The following DGKD variants were observed in gnomAD, a reference collection of about 807,000 sequenced individuals.
DGKD encodes DAG kinase delta.
Under a neutral mutation model 154.4 loss-of-function variants are expected in DGKD, and 68 were observed. The observed-to-expected ratio is 0.44, with a 90% confidence interval of 0.36 to 0.54. DGKD has a LOEUF of 0.54. Among genes scored for constraint, DGKD ranks in the 20% least tolerant of loss-of-function variants. DGKD has a pLI of 0.00. For missense variants in DGKD, 1,343 were observed against 1,593.6 expected (o/e 0.84, Z 2.68); for synonymous variants, 693 against 638.0 (o/e 1.09, Z -1.30).
At chr2:233,467,020 G>A (rs2063844167) in intron 27 of DGKD, 66 bp from the exon 28 acceptor site, 1 of 1,296,274 alleles carries the variant, frequency 7.7e-7, no homozygotes, top group Non-Finnish European at 1.1e-6. Flanking sequence ...CCTCTCTGGT[G>A]GAGATGGGCA....
intron 1 of DGKD, among the ~76,000 whole-genome samples, chr2:233,372,560 A>G (rs2125401783): frequency 6.6e-6 from 1 of 152,216 alleles, no homozygotes; most frequent in East Asian, 1.9e-4. Flanking sequence ...GAGGGCAAGT[A>G]GAACCAGGTT....
chr2:233,426,685 A>G (rs1272004823), intron 3 of DGKD, among the ~76,000 whole-genome samples: 1 of 152,158 alleles, frequency 6.6e-6, no homozygotes, highest in Admixed American at 6.5e-5. Flanking sequence ...TGTTTAGAGT[A>G]GTGATGCTAT....
intron 3 of DGKD, among the ~76,000 whole-genome samples, chr2:233,433,014 C>T (rs899980717): frequency 6.6e-6 from 1 of 152,282 alleles, no homozygotes; most frequent in Admixed American, 6.5e-5. Flanking sequence ...AGCACAGCCA[C>T]CATGGAGAAC....
At position 233,452,100 on chromosome 2, in the gene DGKD, T is replaced by C. The variant is rs1026860116; in HGVS notation, c.2264+40T>C. ...TAAACCGAGTGGGCATATTGTTACA[T>C]GGCTGCTAGTGCATAGAAAACAGAT... is the stretch of plus-strand genomic sequence containing the variant. On this transcript the variant is annotated intron_variant, in intron 18 of 29. Transcript: ENST00000264057. The surrounding 1 kb of genome is among the most constrained non-coding windows in gnomAD (Gnocchi z 4.0). The C allele has an allele frequency of 6.5e-6, 10 of 1,540,070 alleles. No homozygotes were observed. The African/African-American group carries it at 1.4e-4, about 21-fold the overall frequency.
At chr2:233,415,153 G>A (rs1383677047) in intron 3 of DGKD, among the ~76,000 whole-genome samples, 1 of 152,234 alleles carries the variant, frequency 6.6e-6, no homozygotes, top group African/African-American at 2.4e-5. Context: ...CCCTCACACA[G>A]GTAACAGTTA....
rs1022030978 is a variant in DGKD, at chr2:233,470,532, CGCTGCCCCTG to C, written c.*1073_*1082del. On this transcript the variant is annotated 3_prime_UTR_variant, in exon 30 of 30. Coordinates refer to ENST00000264057, the MANE Select transcript of DGKD (RefSeq NM_152879.3). Reference sequence around the variant, plus strand: ...GCAGGGACTCTGATTTGGTGGTCCGCGCTGCCCCTGCCCTGCCTCTGTCCTGGCTCTGAAC... The same window carrying C: ...GCAGGGACTCTGATTTGGTGGTCCGCCCCTGCCTCTGTCCTGGCTCTGAAC... 6 of 152,740 alleles carry C rather than the reference CGCTGCCCCTG, an allele frequency of 3.9e-5. No individual in the cohort carries two copies. The highest frequency in any genetic ancestry group is 1.2e-4 in the African/African-American group (5 of 41,574). 9.5% of individuals were successfully genotyped at this position (152,740 alleles called of 1,614,324 possible). A position where few individuals can be genotyped will look rare whatever the true frequency, so the allele number is the denominator to read the frequency against.
At chr2:233,366,590 A>G (rs1226236781) in intron 1 of DGKD, among the ~76,000 whole-genome samples, 1 of 152,140 alleles carries the variant, frequency 6.6e-6, no homozygotes, top group Non-Finnish European at 1.5e-5. Flanking sequence ...CCACTACCCC[A>G]GTTTTGCCAA....
chr2:233,463,024 C>T (rs2063699637), intron 26 of DGKD, among the ~76,000 whole-genome samples: 1 of 152,192 alleles, frequency 6.6e-6, no homozygotes, highest in African/African-American at 2.4e-5. Context: ...AGTCCTGCTC[C>T]TGCCGAGAGC....
chr2:233,355,937 G>A (rs1385137189), intron 1 of DGKD, among the ~76,000 whole-genome samples: 1 of 152,232 alleles, frequency 6.6e-6, no homozygotes, highest in Non-Finnish European at 1.5e-5. Flanking sequence ...CTTGCCCAGG[G>A]TGTCACAGGT....
intron 3 of DGKD, among the ~76,000 whole-genome samples, chr2:233,401,779 A>T (rs928401221): frequency 6.6e-6 from 1 of 151,738 alleles, no homozygotes; most frequent in African/African-American, 2.4e-5. Context: ...AATTAGACAG[A>T]CATGGTGGCG....
intron 1 of DGKD, among the ~76,000 whole-genome samples, chr2:233,363,745 GTTTAGTTATA>G (rs1426035643): frequency 6.6e-6 from 1 of 152,152 alleles, no homozygotes; most frequent in African/African-American, 2.4e-5. Flanking sequence ...CTGTTTCTAT[GTTTAGTTATA>G]TTTAGATACG....
Position 233,449,186 on chromosome 2 carries a change from G to C in DGKD, c.1698G>C (p.Pro566=), listed in dbSNP as rs542183550. The part of the protein sequence containing the change: ...ESQASSSLPN[P]PPTIAEEAED... ...AGGCCTCGTCCTCTCTGCCCAACCCGCCCCCCACCATTGCCGAGGAGGCTG... is the reference window on the plus strand; with the variant it reads ...AGGCCTCGTCCTCTCTGCCCAACCCCCCCCCCACCATTGCCGAGGAGGCTG... The change falls in exon 15 of 30, where the codon CCG becomes CCC. Residue 566 remains proline, a synonymous_variant. Transcript: ENST00000264057. The surrounding 1 kb of genome is among the most constrained non-coding windows in gnomAD (Gnocchi z 5.3). The C allele has an allele frequency of 1.3e-4, 217 of 1,613,332 alleles. No individual in the cohort carries two copies. The highest frequency in any genetic ancestry group is 1.8e-4 in the Non-Finnish European group (211 of 1,179,860).
intron 3 of DGKD, among the ~76,000 whole-genome samples, chr2:233,416,914 G>A (rs551189609): frequency 6.6e-6 from 1 of 152,366 alleles, no homozygotes; most frequent in South Asian, 2.1e-4. Context: ...CCCAGGAGGA[G>A]CACAGCCCTG....
chr2:233,450,091 C>T lies in DGKD; in HGVS notation c.1998C>T (p.Ser666=), dbSNP rs369697514. The T allele has an allele frequency of 9.5e-5, 153 of 1,613,750 alleles. 1 individual carries two copies. The highest frequency in any genetic ancestry group is 5.2e-4 in the Admixed American group (31 of 59,962). ...GAGTGTGCCCACCACTGTCCCACAG[C>T]GAGAGCTTCGGGGTCCCCAAGGGGA... ...DHRVCPPLSH[S]ESFGVPKGRS... The change falls in exon 16 of 30, where the codon AGC becomes AGT. Residue 666 remains serine, a synonymous_variant. Transcript: ENST00000264057.
At chr2:233,435,675 A>G (rs1219566844) in intron 5 of DGKD, 143 bp from the exon 6 acceptor site, 4 of 627,884 alleles carry the variant, frequency 6.4e-6, no homozygotes, top group Non-Finnish European at 1.0e-5. Flanking sequence ...TAAGCGTATC[A>G]CAGTAGTTCA....
rs763962852 is a variant in DGKD at position 233,450,958 on chromosome 2, G to A, written c.2075G>A (p.Gly692Glu). ...CCGTGTGAAAAGCTGATCAGCAAAG[G>A]GAGTCTGTCCCTAGGCAGTTCTGCT... ...KSPCEKLISK[G>E]SLSLGSSASL... The change falls in exon 17 of 30, where the codon GGG becomes GAG. Residue 692 changes from glycine (G) to glutamate (E), a missense_variant. This residue lies in a region of DGKD where 409 missense variants were observed against 446.0 expected (regional missense o/e 0.92). Coordinates refer to ENST00000264057, the MANE Select transcript of DGKD (RefSeq NM_152879.3). 3.7e-6 allele frequency: 6 copies of A among 1,610,988 alleles called. No homozygotes were observed. Among genetic ancestry groups the A allele is most frequent in the East Asian group, 2.2e-5 (1 of 44,728 alleles).
At chr2:233,358,657 A>G (rs1441226968) in intron 1 of DGKD, among the ~76,000 whole-genome samples, 2 of 152,222 alleles carry the variant, frequency 1.3e-5, no homozygotes, top group Non-Finnish European at 2.9e-5. Context: ...GAATCATACA[A>G]TATGTGGTCT....
chr2:233,462,580 C>T, intron 25 of DGKD, 63 bp from the exon 26 acceptor site: 3 of 1,566,076 alleles, frequency 1.9e-6, no homozygotes, highest in South Asian at 2.2e-5. Flanking sequence ...GTGCTTGTTC[C>T]CTGCCCCTAA....
At position 233,463,443 on chromosome 2, in the gene DGKD, G is replaced by A. The variant is rs376121385; in HGVS notation, c.3186+708G>A. 7.6e-3 allele frequency among the ~76,000 whole-genome samples: 891 copies of A among 116,886 alleles called. 27 individuals carry two copies. The highest frequency in any genetic ancestry group is 0.024 in the African/African-American group (603 of 24,900). The allele number at this position is 116,886 out of a possible 152,430, so 76.7% of individuals were successfully genotyped here. A position where few individuals can be genotyped will look rare whatever the true frequency, so the allele number is the denominator to read the frequency against. Reference sequence around the variant, plus strand: ...CACTCCACGCATCTCCTCACTCCACGCATCTCCTCACTCCACGCATGTCCT... The same window carrying A: ...CACTCCACGCATCTCCTCACTCCACACATCTCCTCACTCCACGCATGTCCT... On this transcript the variant is annotated intron_variant, in intron 26 of 29. Coordinates refer to ENST00000264057, the MANE Select transcript of DGKD (RefSeq NM_152879.3).
Sources: gnomAD v4.1 joint callset for allele counts (sites outside exome capture counted in the v4.1 genomes callset) on GRCh38, gnomAD v4.1.1 for gene constraint, gnomAD v4.1.1 regional missense constraint, Gnocchi (gnomAD v3.1) non-coding constraint, MANE v1.5 for transcripts, NCBI Gene and HGNC (gene_info 2026-07-23, HGNC 2026-07-21) for gene names.